CSN3: variants seen among roughly 807,000 people sequenced by gnomAD.
CSN3 encodes the protein kappa-casein.
In CSN3, 7 loss-of-function variants were observed where a neutral mutation model predicts 9.9. That is an observed-to-expected ratio of 0.71 (90% CI 0.40 to 1.33). The LOEUF (loss-of-function observed/expected upper bound fraction) is 1.33, where lower values mean the gene tolerates loss of function less well. Among genes scored for constraint, CSN3 ranks in the 40% most tolerant of loss-of-function variants. The probability of loss-of-function intolerance (pLI) is 0.01; values close to 1 mark genes in which losing one functional copy is unlikely to be tolerated. For synonymous variants in CSN3, 88 were observed against 82.3 expected (o/e 1.07, Z -0.37); for missense variants, 253 against 227.9 (o/e 1.11, Z -0.71).
Position 70,249,216 on chromosome 4 carries a change from C to T in CSN3, c.306C>T (p.Ser102=), listed in dbSNP as rs767904023. The T allele has an allele frequency of 2.5e-6, 4 of 1,614,010 alleles. 1 individual carries two copies. The South Asian group carries it at 4.4e-5, about 18-fold the overall frequency. Reference sequence around the variant, plus strand: ...CTCAGCGGCAATACCTGCCAAATAGCCACCCACCCACTGTGGTACGTCGCC... The same window carrying T: ...CTCAGCGGCAATACCTGCCAAATAGTCACCCACCCACTGTGGTACGTCGCC... The change falls in exon 4 of 5, where the codon AGC becomes AGT. Residue 102 remains serine (S), a synonymous_variant. Transcript: ENST00000304954.
upstream of CSN3, among the ~76,000 whole-genome samples, chr4:70,239,596 C>T (rs1036069551): frequency 1.3e-5 from 2 of 151,924 alleles, no homozygotes; most frequent in African/African-American, 4.8e-5. Flanking sequence ...TCACTCTAGG[C>T]TCCAGATGAC....
At chr4:70,240,259 T>G (rs1730247419), upstream of CSN3, among the ~76,000 whole-genome samples, 1 of 151,980 alleles carries the variant, frequency 6.6e-6, no homozygotes, top group African/African-American at 2.4e-5. Context: ...TTACAATGCT[T>G]AAAATGTGAA....
intron 2 of CSN3, among the ~76,000 whole-genome samples, chr4:70,245,502 C>G (rs1344119557): frequency 6.6e-6 from 1 of 152,078 alleles, no homozygotes; most frequent in Non-Finnish European, 1.5e-5. Flanking sequence ...TGTTTTAAGG[C>G]TACTGGACTT....
chr4:70,240,630 A>G (rs78435439), upstream of CSN3, among the ~76,000 whole-genome samples: 1,493 of 152,052 alleles, frequency 9.8e-3, 34 homozygotes, highest in African/African-American at 0.034. Flanking sequence ...CATCTAATTC[A>G]TCTACTCCAG....
At chr4:70,243,319 A>G (rs975639679) in intron 1 of CSN3, 2 of 203,112 alleles carry the variant, frequency 9.8e-6, no homozygotes, top group African/African-American at 4.7e-5. Context: ...ATTCATCATA[A>G]AAACATTTTC....
At chr4:70,250,739 A>T (rs1041502690) in intron 4 of CSN3, among the ~76,000 whole-genome samples, 6 of 152,142 alleles carry the variant, frequency 3.9e-5, no homozygotes, top group Non-Finnish European at 7.4e-5. Flanking sequence ...TGCAAATGGG[A>T]GGCAAACCAA....
At chr4:70,246,432 C>T (rs1036002413) in intron 2 of CSN3, among the ~76,000 whole-genome samples, 16 of 151,660 alleles carry the variant, frequency 1.1e-4, no homozygotes, top group African/African-American at 1.7e-4. Flanking sequence ...TAATAGATAA[C>T]GATAAGAAAT....
At chr4:70,240,354 A>G (rs913866608), upstream of CSN3, among the ~76,000 whole-genome samples, 1 of 152,114 alleles carries the variant, frequency 6.6e-6, no homozygotes, top group African/African-American at 2.4e-5. Flanking sequence ...ACCTAAACAA[A>G]GGGAAGTTGC....
At chr4:70,244,930 G>C (rs974958730) in intron 2 of CSN3, 57 bp downstream of exon 2, 6 of 1,014,794 alleles carry the variant, frequency 5.9e-6, no homozygotes, top group African/African-American at 3.3e-5. Context: ...TTGTTTAAGG[G>C]CTTTAACTAT....
At chr4:70,242,873 T>C (rs1280480392) in intron 1 of CSN3, among the ~76,000 whole-genome samples, 1 of 152,090 alleles carries the variant, frequency 6.6e-6, no homozygotes, top group Non-Finnish European at 1.5e-5. Context: ...TTACTTTGGG[T>C]TCCAGTCAAA....
chr4:70,238,787 G>T (rs1416825080), upstream of CSN3, among the ~76,000 whole-genome samples: 2 of 151,752 alleles, frequency 1.3e-5, no homozygotes, highest in African/African-American at 2.4e-5. Context: ...ACAGGTTGTT[G>T]CAGGGAGGAG....
Position 70,246,981 on chromosome 4 carries a change from C to T in CSN3, c.55-837C>T, listed in dbSNP as rs954309592. Among the ~76,000 whole-genome samples the T allele has an allele frequency of 3.9e-5, 6 of 151,938 alleles. No individual in the cohort carries two copies. In the East Asian group the frequency reaches 1.2e-3, roughly 29 times the overall value. On this transcript the variant is annotated intron_variant, in intron 2 of 4. Transcript: ENST00000304954. ...ACATGTGCCCGGCCTCATATTACTT[C>T]TTTACATTTTAAACTAATGATTTAA...
chr4:70,239,057 A>G (rs962190458), upstream of CSN3, among the ~76,000 whole-genome samples: 8 of 151,906 alleles, frequency 5.3e-5, no homozygotes, highest in African/African-American at 1.9e-4. Context: ...TTAAGGTTAC[A>G]GGAATTGAGT....
intron 1 of CSN3, chr4:70,243,212 A>C: frequency 1.0e-6 from 1 of 959,540 alleles, no homozygotes; most frequent in African/African-American, 1.8e-5. Flanking sequence ...TATCTCTGTG[A>C]TTTTTGTTTG....
At chr4:70,238,733 C>G (rs947250579), upstream of CSN3, among the ~76,000 whole-genome samples, 1 of 151,686 alleles carries the variant, frequency 6.6e-6, no homozygotes, top group African/African-American at 2.4e-5. Context: ...AAAGTGGTGT[C>G]AGATTTGGGG....
At chr4:70,243,613 G>A (rs1046834760) in intron 1 of CSN3, among the ~76,000 whole-genome samples, 1 of 152,038 alleles carries the variant, frequency 6.6e-6, no homozygotes, top group Non-Finnish European at 1.5e-5. Context: ...CAACTTTGTA[G>A]TGATTCAAGT....
intron 2 of CSN3, 68 bp from the exon 3 acceptor site, chr4:70,247,750 C>A: frequency 7.9e-7 from 1 of 1,273,180 alleles, no homozygotes; most frequent in Non-Finnish European, 1.1e-6. Flanking sequence ...ATTTTTTTAA[C>A]TGATTTAAGT....
At chr4:70,248,007 G>GT (rs1175006734) in intron 3 of CSN3, among the ~76,000 whole-genome samples, 157 bp downstream of exon 3, 2 of 152,006 alleles carry the variant, frequency 1.3e-5, no homozygotes, top group African/African-American at 4.8e-5. Context: ...TCAGCAACAG[G>GT]TGATATGAAT....
chr4:70,243,055 T>C (rs1434217096), intron 1 of CSN3: 2 of 314,324 alleles, frequency 6.4e-6, no homozygotes, highest in Non-Finnish European at 9.2e-6. Context: ...AAAGTCATAA[T>C]TTTATTTGTT....
Sources: allele counts gnomAD v4.1 joint callset (sites outside exome capture counted in the v4.1 genomes callset), GRCh38; gene constraint gnomAD v4.1.1; transcripts MANE v1.5; gene names NCBI Gene and HGNC (gene_info 2026-07-23, HGNC 2026-07-21).